RNF220: variants seen among roughly 807,000 people sequenced by gnomAD.
The protein encoded by RNF220 is E3 ubiquitin-protein ligase RNF220.
RNF220 carries 7 observed loss-of-function variants against 67.1 expected under a neutral mutation model. The ratio of observed to expected loss-of-function variants is 0.10; its 90% CI spans 0.06 to 0.20. The LOEUF is 0.20. Among genes scored for constraint, RNF220 ranks in the 10% least tolerant of loss-of-function variants. The pLI is 1.00. For synonymous variants in RNF220, 270 were observed against 283.2 expected (o/e 0.95, Z 0.47); for missense variants, 565 against 740.3 (o/e 0.76, Z 2.75).
chr1:44,452,079 C>G (rs1463860814), intron 2 of RNF220, among the ~76,000 whole-genome samples: 2 of 152,188 alleles, frequency 1.3e-5, no homozygotes, highest in Non-Finnish European at 2.9e-5. Flanking sequence ...AAGAGAATTT[C>G]CAGTAGTCCC....
At chr1:44,592,887 C>G (rs1298522905) in intron 2 of RNF220, among the ~76,000 whole-genome samples, 1 of 152,208 alleles carries the variant, frequency 6.6e-6, no homozygotes, top group African/African-American at 2.4e-5. Context: ...CTGGCCCTCG[C>G]ATTCTGCCTA....
intron 2 of RNF220, among the ~76,000 whole-genome samples, chr1:44,508,618 A>G (rs748848829): frequency 2.0e-5 from 3 of 152,182 alleles, no homozygotes; most frequent in Non-Finnish European, 4.4e-5. Context: ...CAGAAGTCAG[A>G]GTCAGAGTCC....
At chr1:44,425,542 G>C (rs929498003) in intron 2 of RNF220, among the ~76,000 whole-genome samples, 1 of 152,152 alleles carries the variant, frequency 6.6e-6, no homozygotes, top group African/African-American at 2.4e-5. Context: ...GTTTACAAGT[G>C]GGAGGTGGTG....
chr1:44,479,663 C>T (rs754537447), intron 2 of RNF220, among the ~76,000 whole-genome samples: 7 of 152,088 alleles, frequency 4.6e-5, no homozygotes, highest in East Asian at 3.8e-4. Context: ...TCGTTCTTGC[C>T]GCACTCTGGA....
rs1290092781 is a variant in RNF220, at chr1:44,412,596, ACACAGCTGC to A, written c.502_510del (p.Gln168_Pro170del). On this transcript the variant is annotated inframe_deletion, in exon 2 of 15. Coordinates refer to ENST00000361799, the MANE Select transcript of RNF220 (RefSeq NM_018150.4). This position sits in a 1 kb window ranked among gnomAD's most constrained non-coding sequence, Gnocchi z 5.3. ...AGATGGCAAGGAATATGACTTTGGGACACAGCTGCCATCTAGCTCCCCCGGTTCACTAAA... is the reference window on the plus strand; with the variant it reads ...AGATGGCAAGGAATATGACTTTGGGACATCTAGCTCCCCCGGTTCACTAAA... The A allele has an allele frequency of 6.2e-7, 1 of 1,614,156 alleles. No individual in the cohort carries two copies. Among genetic ancestry groups the A allele is most frequent in the African/African-American group, 1.3e-5 (1 of 75,040 alleles).
chr1:44,460,049 G>T (rs939610806), intron 2 of RNF220, among the ~76,000 whole-genome samples: 25 of 152,134 alleles, frequency 1.6e-4, no homozygotes, highest in African/African-American at 5.8e-4. Context: ...GCCAGTAAAG[G>T]GTGAATTAAG....
intron 2 of RNF220, among the ~76,000 whole-genome samples, chr1:44,597,768 A>G (rs955574785): frequency 2.8e-4 from 43 of 151,822 alleles, no homozygotes; most frequent in Non-Finnish European, 5.2e-4. Context: ...TTCTCCTTGC[A>G]CACTTCTTGG....
intron 2 of RNF220, among the ~76,000 whole-genome samples, chr1:44,577,273 T>C (rs1664877443): frequency 6.6e-6 from 1 of 152,096 alleles, no homozygotes; most frequent in South Asian, 2.1e-4. Context: ...TCTCCAGTAT[T>C]TTCAGCCCCA....
intron 8 of RNF220, among the ~76,000 whole-genome samples, chr1:44,639,637 G>C (rs1644430236): frequency 6.6e-6 from 1 of 152,184 alleles, no homozygotes; most frequent in Non-Finnish European, 1.5e-5. Flanking sequence ...TCTTTGTCCT[G>C]CTCAGGTCCT....
chr1:44,579,283 CCA>C (rs1187261773), intron 2 of RNF220, among the ~76,000 whole-genome samples: 2 of 152,260 alleles, frequency 1.3e-5, no homozygotes, highest in Non-Finnish European at 1.5e-5. Flanking sequence ...TTGACCAAGA[CCA>C]CACAGTCACT....
At chr1:44,573,737 T>C (rs1051037363) in intron 2 of RNF220, among the ~76,000 whole-genome samples, 1 of 152,226 alleles carries the variant, frequency 6.6e-6, no homozygotes, top group Non-Finnish European at 1.5e-5. Context: ...CTGAGCTTAC[T>C]AGGCCCTACA....
intron 2 of RNF220, among the ~76,000 whole-genome samples, chr1:44,462,601 T>C (rs1306757176): frequency 6.6e-6 from 1 of 152,216 alleles, no homozygotes; most frequent in African/African-American, 2.4e-5. Context: ...AGAAATTCTC[T>C]AAGCTATCAG....
intron 2 of RNF220, chr1:44,572,943 G>A (rs1486574115): frequency 3.0e-5 from 11 of 371,186 alleles, no homozygotes; most frequent in African/African-American, 6.4e-5. Flanking sequence ...TGGAAATCAC[G>A]TTGAATGAAA....
chr1:44,405,928 T>C (rs1012722678), intron 1 of RNF220, among the ~76,000 whole-genome samples: 4 of 152,200 alleles, frequency 2.6e-5, no homozygotes, highest in African/African-American at 9.7e-5. Flanking sequence ...CCATTCCCAC[T>C]TTGTTCGGGT....
intron 2 of RNF220, among the ~76,000 whole-genome samples, chr1:44,490,320 A>G (rs574501031): frequency 2.0e-5 from 3 of 152,112 alleles, no homozygotes; most frequent in Admixed American, 2.0e-4. Context: ...GATAAAAAAA[A>G]TTAGCCAGGC....
intron 2 of RNF220, among the ~76,000 whole-genome samples, chr1:44,482,862 C>G (rs1655945888): frequency 6.7e-6 from 1 of 148,982 alleles, no homozygotes; most frequent in Non-Finnish European, 1.5e-5. Context: ...CTCAAGTGAT[C>G]TACCTGCCTC....
intron 2 of RNF220, among the ~76,000 whole-genome samples, chr1:44,441,261 C>T (rs1651523481): frequency 6.6e-6 from 1 of 152,182 alleles, no homozygotes; most frequent in Non-Finnish European, 1.5e-5. Context: ...TTTGCTGTCA[C>T]AGCTCCAGGC....
At chr1:44,510,730 C>T (rs577046980) in intron 2 of RNF220, among the ~76,000 whole-genome samples, 134 of 152,290 alleles carry the variant, frequency 8.8e-4, no homozygotes, top group African/African-American at 2.9e-3. Flanking sequence ...CCATGTCTCC[C>T]CTACCAGTCG....
At chr1:44,422,666 T>C (rs893447019) in intron 2 of RNF220, among the ~76,000 whole-genome samples, 2 of 152,252 alleles carry the variant, frequency 1.3e-5, no homozygotes, top group African/African-American at 2.4e-5. Context: ...GAAACTCAAG[T>C]CTGTTGCTCA....
Sources: gnomAD v4.1 joint callset for allele counts (sites outside exome capture counted in the v4.1 genomes callset) on GRCh38, gnomAD v4.1.1 for gene constraint, Gnocchi (gnomAD v3.1) non-coding constraint, MANE v1.5 for transcripts, NCBI Gene and HGNC (gene_info 2026-07-23, HGNC 2026-07-21) for gene names.